Variants in MUC5B observed in about 807,000 individuals in gnomAD.
MUC5B encodes mucin-5B.
Under a neutral mutation model 376.9 loss-of-function variants are expected in MUC5B, and 116 were observed. The observed-to-expected ratio is 0.31, with a 90% CI of 0.26 to 0.36. MUC5B has a LOEUF of 0.36. Among genes scored for constraint, MUC5B ranks in the 10% least tolerant of loss-of-function variants. MUC5B has a pLI of 1.00. For missense variants in MUC5B, 7,165 were observed against 7,769.9 expected, an observed-to-expected ratio of 0.92 and a Z score of 2.93; for synonymous variants, 3,517 against 3,390.9, an observed-to-expected ratio of 1.04 and a Z score of -1.29.
Position 1,258,871 on chromosome 11 carries a change from G to C in MUC5B, c.16594-71G>C. ...GGAACAACTCCCTGCAGGCCCCATT[G>C]GGTCATGGGGAGGGGTCCTGGCCCT... On this transcript the variant is annotated intron_variant, in intron 43 of 48. Transcript: ENST00000529681. This position sits in a 1 kb window ranked among gnomAD's most constrained non-coding sequence, Gnocchi z 5.5. The C allele has an allele frequency of 6.5e-7, 1 of 1,531,366 alleles. No individual in the cohort carries two copies. Among genetic ancestry groups the C allele is most frequent in the Non-Finnish European group, 8.8e-7 (1 of 1,134,732 alleles). The allele number at this position is 1,531,366 out of a possible 1,614,324, so 94.9% of individuals were successfully genotyped here.
At chr11:1,226,935 AC>A in intron 4 of MUC5B, 59 bp downstream of exon 4, 2 of 961,298 alleles carry the variant, frequency 2.1e-6, no homozygotes, top group African/African-American at 3.4e-5. Flanking sequence ...ACCTCCCCAC[AC>A]GGCCATGTCT....
rs557695122 is a variant in MUC5B, at chr11:1,237,134, C to T, written c.3267C>T (p.His1089=). 6.3e-5 allele frequency: 92 copies of T among 1,455,948 alleles called. 1 individual carries two copies. In the East Asian group the frequency reaches 1.0e-3, roughly 16 times the overall value. 90.2% of individuals were successfully genotyped at this position (1,455,948 alleles called of 1,614,324 possible). The part of the protein sequence containing the change: ...SWAQKQCSIL[H]GPTFAACRSQ... ...CCCAGAAGCAGTGCAGCATCCTCCA[C>T]GGCCCCACCTTCGCCGCCTGCCGCT... Residue 1089 remains histidine, a synonymous_variant, in exon 25 of 49, where the codon CAC becomes CAT. Transcript: ENST00000529681.
At chr11:1,230,293 G>A in intron 11 of MUC5B, 150 bp downstream of exon 11, 1 of 1,283,278 alleles carries the variant, frequency 7.8e-7, no homozygotes. Flanking sequence ...GTCATAGAGG[G>A]ATGGCTCTCC....
chr11:1,259,032 G>A lies in MUC5B; in HGVS notation c.16684G>A (p.Asp5562Asn). 1 of 1,556,128 alleles carries A rather than the reference G, an allele frequency of 6.4e-7. No individual in the cohort carries two copies. ...GGACCCAACGGTGCAATGTCAGGAG[G>A]ATGCCTGCAACAATACTACCTGTCC... ...TQDPTVQCQE[D>N]ACNNTTCPQG... Residue 5562 changes from aspartate to asparagine, a missense_variant, in exon 44 of 49, where the codon GAT becomes AAT. This residue lies in a region of MUC5B where 842 missense variants were observed against 1,016.9 expected (regional missense o/e 0.83). Transcript: ENST00000529681.
In MUC5B at chr11:1,260,100, C is replaced by A; in HGVS notation, c.16923+15C>A. The stretch of plus-strand genomic sequence containing the variant: ...CCAGCTGCAGGGTGTGTGCTGGAGG[C>A]CCTGCCCCTGCCTGGGAGTCCTTGT... On this transcript the variant is annotated intron_variant, in intron 46 of 48. Coordinates refer to ENST00000529681, the MANE Select transcript of MUC5B (RefSeq NM_002458.3). The A allele has an allele frequency of 6.2e-7, 1 of 1,611,344 alleles. No homozygotes were observed. Among genetic ancestry groups the A allele is most frequent in the Non-Finnish European group, 8.5e-7 (1 of 1,179,024 alleles).
chr11:1,254,269 G>GC lies in MUC5B; in HGVS notation c.15400dup (p.Arg5134ProfsTer30), dbSNP rs760126967. On this transcript the variant is annotated frameshift_variant, in exon 34 of 49. Transcript: ENST00000529681. LOFTEE classifies it high-confidence loss of function. ...TCTGCCACTGCCGCTGCCGCCCGCT[G>GC]CCCCCGCGCCCTCAGCATCCACTAC... 1.9e-6 allele frequency: 3 copies of GC among 1,611,808 alleles called. No individual in the cohort carries two copies. Among genetic ancestry groups the GC allele is most frequent in the Non-Finnish European group, 1.7e-6 (2 of 1,179,860 alleles).
In MUC5B at chr11:1,248,152, A is replaced by G. The variant is rs1468942737; in HGVS notation, c.11272A>G (p.Thr3758Ala). Residue 3758 changes from threonine to alanine, a missense_variant, in exon 31 of 49, where the codon ACG (threonine) becomes GCG (alanine). Transcript: ENST00000529681. ...AGTPHVSTTA[T>A]TPTVTSSKAT... ...CACCCCACATGTGAGCACCACGGCC[A>G]CGACACCCACAGTCACCAGCTCCAA... The G allele has an allele frequency of 6.3e-7, 1 of 1,594,620 alleles. No homozygotes were observed. Among genetic ancestry groups the G allele is most frequent in the South Asian group, 1.1e-5 (1 of 90,442 alleles).
rs978334886 is a variant in MUC5B at position 1,255,324 on chromosome 11, C to A, written c.15890+58C>A. On this transcript the variant is annotated intron_variant, in intron 36 of 48. Coordinates refer to ENST00000529681, the MANE Select transcript of MUC5B (RefSeq NM_002458.3). ...GGGCGCCCCCGCCCGCCCGCATGCA[C>A]GCACGCACGCAGCTCCCTGGGGCTG... The A allele has an allele frequency of 7.9e-6, 12 of 1,525,728 alleles. No homozygotes were observed. The East Asian group carries it at 2.9e-4, about 37-fold the overall frequency. The allele number at this position is 1,525,728 out of a possible 1,614,324, so 94.5% of individuals were successfully genotyped here.
rs374810451 is a variant in MUC5B, at chr11:1,243,395, C to T, written c.6515C>T (p.Thr2172Ile). Reference sequence around the variant, plus strand: ...ACCACCGCCACCACACCTGCAGCCACCAGCAACACAGTGACTCCCTCCTCT... The same window carrying T: ...ACCACCGCCACCACACCTGCAGCCATCAGCAACACAGTGACTCCCTCCTCT... ...LTTTATTPAA[T>I]SNTVTPSSAL... The change falls in exon 31 of 49, where the codon ACC becomes ATC. Residue 2172 changes from threonine (T) to isoleucine (I), a missense_variant. Thr to Ile is a moderately conservative substitution (Grantham distance 89). This residue lies in a region of MUC5B where 67 missense variants were observed against 103.0 expected (regional missense o/e 0.65). Transcript: ENST00000529681. The T allele has an allele frequency of 1.3e-6, 2 of 1,535,478 alleles. No individual in the cohort carries two copies. The highest frequency in any genetic ancestry group is 1.8e-6 in the Non-Finnish European group (2 of 1,132,222).
In MUC5B at chr11:1,258,205, T is replaced by A. The variant is rs758793189; in HGVS notation, c.16555+2T>A. ...ACTGCTGTCCCACCTTCCGCTGCAG[T>A]GAGCGGGGCTGGGGCCGGGCTCCTG... On this transcript the variant is annotated splice_donor_variant, in intron 42 of 48. Coordinates refer to ENST00000529681, the MANE Select transcript of MUC5B (RefSeq NM_002458.3). LOFTEE classifies it high-confidence loss of function. This position sits in a 1 kb window ranked among gnomAD's most constrained non-coding sequence, Gnocchi z 5.5. The A allele has an allele frequency of 9.5e-6, 15 of 1,584,670 alleles. No individual in the cohort carries two copies. Among genetic ancestry groups the A allele is most frequent in the African/African-American group, 2.7e-5 (2 of 74,186 alleles).
intron 9 of MUC5B, 22 bp from the exon 10 acceptor site, chr11:1,229,668 T>G: frequency 6.5e-7 from 1 of 1,537,598 alleles, no homozygotes; most frequent in Non-Finnish European, 8.7e-7. Flanking sequence ...GGGCCGGCCC[T>G]GCCTCACGCC....
rs1862919993 is a variant in MUC5B, at chr11:1,258,914, CT to C, written c.16594-27del. On this transcript the variant is annotated intron_variant, in intron 43 of 48. Coordinates refer to ENST00000529681, the MANE Select transcript of MUC5B (RefSeq NM_002458.3). This position sits in a 1 kb window ranked among gnomAD's most constrained non-coding sequence, Gnocchi z 5.5. ...CTGGCCCTGTTGCCCCACCAGTGCCCTCAGTGCCACCCTCCCACCCCTTGCA... is the reference window on the plus strand; with the variant it reads ...CTGGCCCTGTTGCCCCACCAGTGCCCCAGTGCCACCCTCCCACCCCTTGCA... 9.7e-6 allele frequency: 15 copies of C among 1,549,738 alleles called. No homozygotes were observed. Among genetic ancestry groups the C allele is most frequent in the Non-Finnish European group, 1.3e-5 (15 of 1,146,796 alleles).
chr11:1,230,414 C>T, intron 11 of MUC5B, 76 bp from the exon 12 acceptor site: 1 of 1,358,102 alleles, frequency 7.4e-7, no homozygotes. Flanking sequence ...CCCACATGGG[C>T]ATCCCCAGCA....
At position 1,229,815 on chromosome 11, in the gene MUC5B, T is replaced by C; in HGVS notation, c.1220+8T>C. ...CACCACCTGCAGCTCCTGGTACTTATGAGCCCACCAGCCTCCGCCTGGGGT... is the reference window on the plus strand; with the variant it reads ...CACCACCTGCAGCTCCTGGTACTTACGAGCCCACCAGCCTCCGCCTGGGGT... On this transcript the variant is annotated splice_region_variant and intron_variant, in intron 10 of 48. Coordinates refer to ENST00000529681, the MANE Select transcript of MUC5B (RefSeq NM_002458.3). 6.3e-7 allele frequency: 1 copy of C among 1,589,790 alleles called. No homozygotes were observed. The highest frequency in any genetic ancestry group is 8.5e-7 in the Non-Finnish European group (1 of 1,169,702).
At position 1,258,050 on chromosome 11, in the gene MUC5B, GGGA is replaced by G; in HGVS notation, c.16451-41_16451-39del. 5 of 1,498,368 alleles carry G rather than the reference GGGA, an allele frequency of 3.3e-6. No homozygotes were observed. The highest frequency in any genetic ancestry group is 3.6e-6 in the Non-Finnish European group (4 of 1,102,244). 92.8% of individuals were successfully genotyped at this position (1,498,368 alleles called of 1,614,324 possible). ...CGACTTACTCTGGGAACAAGTGGTCGGGAGGAGGAGTGAGCAGCGCCCAGACAG... is the reference window on the plus strand; with the variant it reads ...CGACTTACTCTGGGAACAAGTGGTCGGGAGGAGTGAGCAGCGCCCAGACAG... On this transcript the variant is annotated intron_variant, in intron 41 of 48. Coordinates refer to ENST00000529681, the MANE Select transcript of MUC5B (RefSeq NM_002458.3). This position sits in a 1 kb window ranked among gnomAD's most constrained non-coding sequence, Gnocchi z 5.5.
Position 1,243,346 on chromosome 11 carries a change from A to C in MUC5B, c.6466A>C (p.Thr2156Pro), listed in dbSNP as rs1244339704. ...CAACCCCTCCTCAACTCCTGGGACAACTCCCATCCCCCCAGTGCTGACCAC... is the reference window on the plus strand; with the variant it reads ...CAACCCCTCCTCAACTCCTGGGACACCTCCCATCCCCCCAGTGCTGACCAC... ...TTNPSSTPGT[T>P]PIPPVLTTTA... Residue 2156 changes from threonine (T) to proline (P), a missense_variant, in exon 31 of 49, where the codon ACT (threonine) becomes CCT (proline). Transcript: ENST00000529681. The C allele has an allele frequency of 6.4e-7, 1 of 1,555,526 alleles. No individual in the cohort carries two copies. The highest frequency in any genetic ancestry group is 1.4e-5 in the African/African-American group (1 of 71,764).
Position 1,256,742 on chromosome 11 carries a change from C to G in MUC5B, c.16208C>G (p.Ala5403Gly). The G allele has an allele frequency of 6.5e-7, 1 of 1,549,584 alleles. No homozygotes were observed. The highest frequency in any genetic ancestry group is 8.7e-7 in the Non-Finnish European group (1 of 1,149,120). The change falls in exon 39 of 49, where the codon GCA becomes GGA. Residue 5403 changes from alanine (A) to glycine (G), a missense_variant. Transcript: ENST00000529681. ...FCPEDQILFNAHMGICVQACP... is the reference protein window; with the variant it reads ...FCPEDQILFNGHMGICVQACP... ...CCTGAGGACCAGATCCTCTTCAACG[C>G]ACACATGGGCATCTGCGTGCAGGCC... is the stretch of plus-strand genomic sequence containing the variant.
At chr11:1,227,603 A>G in intron 6 of MUC5B, 72 bp from the exon 7 acceptor site, 2 of 690,432 alleles carry the variant, frequency 2.9e-6, no homozygotes, top group Non-Finnish European at 5.4e-6. Context: ...GCCTGGGCTC[A>G]GGAAGTGGGA....
At position 1,255,495 on chromosome 11, in the gene MUC5B, G is replaced by T. The variant is rs865930645; in HGVS notation, c.16003G>T (p.Ala5335Ser). Residue 5335 changes from alanine (A) to serine (S), a missense_variant, in exon 37 of 49, where the codon GCA becomes TCA. Physicochemically the swap from Ala to Ser is moderately conservative, Grantham distance 99. Around this residue, in one of 31 missense-constraint regions of MUC5B, gnomAD observed 842 missense variants for 1,016.9 expected, o/e 0.83. Coordinates refer to ENST00000529681, the MANE Select transcript of MUC5B (RefSeq NM_002458.3). Reference protein sequence around the residue: ...EVPCQSLEAYAELCRARGVCS... With the variant: ...EVPCQSLEAYSELCRARGVCS... ...GCCCTGCCAGAGCCTGGAGGCTTAC[G>T]CAGAGCTCTGCCGCGCCCGGGGAGT... 1.3e-6 allele frequency: 2 copies of T among 1,567,756 alleles called. No individual in the cohort carries two copies. Among genetic ancestry groups the T allele is most frequent in the Non-Finnish European group, 1.7e-6 (2 of 1,157,292 alleles).
Sources: allele counts gnomAD v4.1 joint callset, GRCh38; gene constraint gnomAD v4.1.1; regional missense constraint gnomAD v4.1.1; non-coding constraint Gnocchi (gnomAD v3.1); transcripts MANE v1.5; gene names NCBI Gene and HGNC (gene_info 2026-07-23, HGNC 2026-07-21).